Variants in DNMBP observed in about 807,000 individuals in gnomAD.
DNMBP encodes dynamin-binding protein.
DNMBP carries 87 observed loss-of-function variants against 150.0 expected under a neutral mutation model. The observed-to-expected ratio is 0.58, with a 90% CI of 0.49 to 0.69. The LOEUF (loss-of-function observed/expected upper bound fraction) is 0.69, where lower values mean the gene tolerates loss of function less well. DNMBP is among the 30% of genes least tolerant of loss of function. The probability of loss-of-function intolerance (pLI) is 0.00; values close to 1 mark genes in which losing one functional copy is unlikely to be tolerated. For missense variants in DNMBP, 1,774 were observed against 1,949.0 expected (o/e 0.91, Z 1.69); for synonymous variants, 711 against 750.4 (o/e 0.95, Z 0.86).
Position 99,896,698 on chromosome 10 carries a change from G to T in DNMBP, c.2921-301C>A, listed in dbSNP as rs370006562. Reference sequence around the variant, plus strand: ...CCACTTAAGGTATGGCATTAAATCAGTCATTTTACCTTGAGTCTCATTTTC... The same window carrying T: ...CCACTTAAGGTATGGCATTAAATCATTCATTTTACCTTGAGTCTCATTTTC... On this transcript the variant is annotated intron_variant, in intron 9 of 16. Coordinates refer to ENST00000324109, the MANE Select transcript of DNMBP (RefSeq NM_015221.4). Among the ~76,000 whole-genome samples, 105 of 152,278 alleles carry T rather than the reference G, an allele frequency of 6.9e-4. 4 individuals carry two copies. In the South Asian group the frequency reaches 0.022, roughly 31 times the overall value.
intron 4 of DNMBP, among the ~76,000 whole-genome samples, chr10:99,926,783 T>C (rs1283249215): frequency 6.6e-6 from 1 of 152,038 alleles, no homozygotes; most frequent in African/African-American, 2.4e-5. Context: ...AGGAACCCCG[T>C]GGAAAGCTGG....
rs373171346 is a variant in DNMBP, at chr10:99,881,419, C to G, written c.3998-1058G>C. Among the ~76,000 whole-genome samples, 28 of 152,290 alleles carry G rather than the reference C, an allele frequency of 1.8e-4. 1 individual carries two copies. The highest frequency in any genetic ancestry group is 6.5e-4 in the Admixed American group (10 of 15,298). On this transcript the variant is annotated intron_variant, in intron 15 of 16. Transcript: ENST00000324109. ...CACTTTAATAAATTGCCCAAGATGA[C>G]CAAGGGGGCTTTCAGCTAAAACTCA...
chr10:99,891,191 C>CCTCTCTTT (rs1376629372), intron 11 of DNMBP, among the ~76,000 whole-genome samples: 8 of 149,302 alleles, frequency 5.4e-5, no homozygotes, highest in African/African-American at 2.0e-4. Context: ...TCTCCCTCTC[C>CCTCTCTTT]CCACCGTCTC....
intron 4 of DNMBP, among the ~76,000 whole-genome samples, chr10:99,932,009 A>C (rs915343526): frequency 6.6e-6 from 1 of 152,236 alleles, no homozygotes; most frequent in Non-Finnish European, 1.5e-5. Context: ...GAGGAGGCTG[A>C]AGAGATAGGT....
At chr10:99,961,029 T>G (rs1008715827) in intron 3 of DNMBP, among the ~76,000 whole-genome samples, 1 of 151,834 alleles carries the variant, frequency 6.6e-6, no homozygotes, top group Non-Finnish European at 1.5e-5. Flanking sequence ...AAGTCTGTCT[T>G]ATATTCCCAA....
intron 3 of DNMBP, among the ~76,000 whole-genome samples, chr10:99,962,447 C>T (rs2040574666): frequency 6.6e-6 from 1 of 152,092 alleles, no homozygotes; most frequent in Admixed American, 6.6e-5. Flanking sequence ...CTGGCTAACA[C>T]GGTGAAACCC....
At chr10:99,914,683 C>T (rs992001009) in intron 4 of DNMBP, among the ~76,000 whole-genome samples, 1 of 152,014 alleles carries the variant, frequency 6.6e-6, no homozygotes, top group African/African-American at 2.4e-5. Context: ...GAAAGGCACA[C>T]AACAATATGC....
rs544615523 is a variant in DNMBP at position 99,930,768 on chromosome 10, T to C, written c.2261-21622A>G. 16 of 650,614 alleles carry C rather than the reference T, an allele frequency of 2.5e-5. No homozygotes were observed. In the South Asian group the frequency reaches 2.7e-4, roughly 11 times the overall value. The allele number at this position is 650,614 out of a possible 1,614,324, so 40.3% of individuals were successfully genotyped here. A position where few individuals can be genotyped will look rare whatever the true frequency, so the allele number is the denominator to read the frequency against. On this transcript the variant is annotated intron_variant, in intron 4 of 16. Transcript: ENST00000324109. ...AGCCTTCTGGGTTTCACACATATTC[T>C]ATGTGCTTAAAGACAAAGGTTTTAC... is the stretch of plus-strand genomic sequence containing the variant.
chr10:99,962,998 AC>A (rs2133342910), intron 3 of DNMBP, among the ~76,000 whole-genome samples: 1 of 152,128 alleles, frequency 6.6e-6, no homozygotes, highest in South Asian at 2.2e-4. Context: ...TGAAAAACAT[AC>A]ACAATTTAGA....
Position 99,940,652 on chromosome 10 carries a change from T to C in DNMBP, c.2260+14562A>G, listed in dbSNP as rs187025550. Among the ~76,000 whole-genome samples the C allele has an allele frequency of 8.5e-4, 129 of 152,314 alleles. 1 individual carries two copies. Among genetic ancestry groups the C allele is most frequent in the African/African-American group, 2.9e-3 (119 of 41,574 alleles). ...TCAATCCAACGTCCCCTGCTGCCAC[T>C]ACCCTATTTTTTTGCTTTCTTTTAT... On this transcript the variant is annotated intron_variant, in intron 4 of 16. Transcript: ENST00000324109.
chr10:99,880,327 C>CT lies in DNMBP; in HGVS notation c.4031dup (p.Pro1345AlafsTer15), dbSNP rs1381697292. ...AGTGGCTGCGGCGAGGATTGTAGGG[C>CT]TTTAGGAAAGAGCTGTACACGAAGC... On this transcript the variant is annotated frameshift_variant, in exon 16 of 17. Transcript: ENST00000324109. LOFTEE classifies it high-confidence loss of function. The CT allele has an allele frequency of 6.2e-7, 1 of 1,607,382 alleles. No homozygotes were observed. Among genetic ancestry groups the CT allele is most frequent in the Non-Finnish European group, 8.5e-7 (1 of 1,177,484 alleles).
intron 3 of DNMBP, among the ~76,000 whole-genome samples, chr10:99,962,617 C>A (rs1194401639): frequency 6.6e-6 from 1 of 151,324 alleles, no homozygotes; most frequent in Non-Finnish European, 1.5e-5. Context: ...GGCGATAGAG[C>A]GAGACTCCGT....
chr10:99,997,981 TC>T lies in DNMBP; in HGVS notation c.-11+11856del, dbSNP rs372496230. Among the ~76,000 whole-genome samples the T allele has an allele frequency of 9.4e-3, 1,172 of 125,092 alleles. 20 individuals carry two copies. Among genetic ancestry groups the T allele is most frequent in the African/African-American group, 0.032 (1,062 of 33,252 alleles). 82.1% of individuals were successfully genotyped at this position (125,092 alleles called of 152,430 possible). On this transcript the variant is annotated intron_variant, in intron 1 of 16. Coordinates refer to ENST00000324109, the MANE Select transcript of DNMBP (RefSeq NM_015221.4). Reference sequence around the variant, plus strand: ...TGGACGCGGTGGCTCACACCTGTAATCCCCAGCACTTTGGGAGGCCAAGGTG... The same window carrying T: ...TGGACGCGGTGGCTCACACCTGTAATCCCAGCACTTTGGGAGGCCAAGGTG...
chr10:99,898,757 G>C lies in DNMBP; in HGVS notation c.2706C>G (p.Ser902Arg), dbSNP rs1589405016. The change falls in exon 8 of 17, where the codon AGC (serine) becomes AGG (arginine). Residue 902 changes from serine (S) to arginine (R), a missense_variant. By Grantham distance (110) the Ser-to-Arg change is moderately radical. Transcript: ENST00000324109. ...ATGGAACTTACCATTCGTTGTATAG[G>C]CTCCTGCAAGGCAGTGGGCATGAAA... is the stretch of plus-strand genomic sequence containing the variant. Reference protein sequence around the residue: ...HLQDSLADLKSLYNEWGCTNY... With the variant: ...HLQDSLADLKRLYNEWGCTNY... The C allele has an allele frequency of 6.2e-7, 1 of 1,613,600 alleles. No homozygotes were observed. The highest frequency in any genetic ancestry group is 8.5e-7 in the Non-Finnish European group (1 of 1,179,640).
At chr10:99,930,689 A>G (rs1334367936) in intron 4 of DNMBP, 2 of 701,038 alleles carry the variant, frequency 2.9e-6, no homozygotes, top group Non-Finnish European at 5.2e-6. Context: ...CGTAGTCTTC[A>G]TACTCCCAGC....
intron 1 of DNMBP, among the ~76,000 whole-genome samples, chr10:99,977,954 T>C (rs2040746454): frequency 6.6e-6 from 1 of 152,220 alleles, no homozygotes; most frequent in African/African-American, 2.4e-5. Context: ...CATAGAAATC[T>C]TCCAGGTCAA....
At chr10:99,894,896 G>A (rs768188539) in intron 11 of DNMBP, 50 bp downstream of exon 11, 1 of 1,377,014 alleles carries the variant, frequency 7.3e-7, no homozygotes, top group South Asian at 1.2e-5. Context: ...CAGGAAAGGG[G>A]ACAGAATTAC....
chr10:99,959,110 TAAA>T (rs2040532345), intron 3 of DNMBP, among the ~76,000 whole-genome samples: 1 of 152,228 alleles, frequency 6.6e-6, no homozygotes, highest in Admixed American at 6.5e-5. Context: ...AGTTGAACAT[TAAA>T]AATATTTACG....
intron 4 of DNMBP, chr10:99,931,012 A>G (rs975701075): frequency 2.6e-6 from 1 of 388,226 alleles, no homozygotes; most frequent in African/African-American, 2.1e-5. Context: ...ACTAGTATGC[A>G]TGTGATTGGA....
Sources: gnomAD v4.1 joint callset for allele counts (sites outside exome capture counted in the v4.1 genomes callset) on GRCh38, gnomAD v4.1.1 for gene constraint, MANE v1.5 for transcripts, NCBI Gene and HGNC (gene_info 2026-07-23, HGNC 2026-07-21) for gene names.